CCDC157: variants seen among roughly 807,000 people sequenced by gnomAD.
The protein encoded by CCDC157 is coiled-coil domain-containing protein 157.
A neutral mutation model predicts 70.9 loss-of-function variants in CCDC157; 60 were observed. That is an observed-to-expected ratio of 0.85 (90% confidence interval 0.69 to 1.05). The LOEUF (loss-of-function observed/expected upper bound fraction) is 1.05. Among genes scored for constraint, CCDC157 ranks in the 50% least tolerant of loss-of-function variants. The pLI is 0.00. For missense variants in CCDC157, 943 were observed against 984.2 expected, an observed-to-expected ratio of 0.96 and a Z score of 0.56; for synonymous variants, 373 against 422.4, an observed-to-expected ratio of 0.88 and a Z score of 1.43.
chr22:30,373,503 G>A (rs1038543023), intron 7 of CCDC157, 94 bp from the exon 8 acceptor site: 12 of 1,370,358 alleles, frequency 8.8e-6, no homozygotes, highest in Admixed American at 6.3e-5. Context: ...GGTAGCAGCC[G>A]AGGGGTAGTA....
At chr22:30,361,720 C>T (rs994052741) in intron 1 of CCDC157, among the ~76,000 whole-genome samples, 5 of 152,196 alleles carry the variant, frequency 3.3e-5, no homozygotes, top group Non-Finnish European at 7.3e-5. Context: ...GCCTCAGTTT[C>T]CTCCTCTGTA....
intron 1 of CCDC157, 78 bp downstream of exon 1, chr22:30,357,210 G>C: frequency 6.2e-6 from 1 of 162,406 alleles, no homozygotes; most frequent in Non-Finnish European, 1.3e-5. Flanking sequence ...CCAGTACCTC[G>C]CTCCCTTCGA....
intron 3 of CCDC157, 184 bp downstream of exon 3, chr22:30,366,432 G>C: frequency 1.4e-6 from 1 of 706,170 alleles, no homozygotes; most frequent in Non-Finnish European, 2.4e-6. Context: ...CATGTGTCTT[G>C]TGTTGTGTGC....
rs761747660 is a variant in CCDC157, at chr22:30,369,534, G to A, written c.351G>A (p.Gly117=). Residue 117 remains glycine, a synonymous_variant, in exon 4 of 12, where the codon GGG becomes GGA. Transcript: ENST00000338306. Reference sequence around the variant, plus strand: ...CTGCGGGGCCCTGCATGTCCGTGGGGCTCACGGTGCGGCGCTTCTGGGACA... The same window carrying A: ...CTGCGGGGCCCTGCATGTCCGTGGGACTCACGGTGCGGCGCTTCTGGGACA... ...AQAAGPCMSV[G]LTVRRFWDSL... The A allele has an allele frequency of 5.6e-6, 9 of 1,606,394 alleles. No individual in the cohort carries two copies. The highest frequency in any genetic ancestry group is 7.7e-6 in the Non-Finnish European group (9 of 1,176,252).
At chr22:30,363,865 T>C (rs5749076) in intron 2 of CCDC157, among the ~76,000 whole-genome samples, 30,680 of 152,090 alleles carry the variant, frequency 0.2, 3,358 homozygotes, top group Middle Eastern at 0.35. Flanking sequence ...TTTTTGTATT[T>C]TTGTAGAGAT....
chr22:30,374,257 T>C, intron 9 of CCDC157, 166 bp downstream of exon 9: 2 of 759,444 alleles, frequency 2.6e-6, no homozygotes, highest in Non-Finnish European at 4.3e-6. Flanking sequence ...AGCACGCAAG[T>C]GCTTCATGCG....
intron 3 of CCDC157, chr22:30,369,151 C>G (rs1932828269): frequency 3.4e-6 from 1 of 293,310 alleles, no homozygotes; most frequent in Non-Finnish European, 6.3e-6. Context: ...AAGGCCAGGC[C>G]TGGCTTCACA....
intron 1 of CCDC157, among the ~76,000 whole-genome samples, chr22:30,360,122 C>T (rs1932228173): frequency 6.6e-6 from 1 of 152,142 alleles, no homozygotes; most frequent in African/African-American, 2.4e-5. Context: ...GCAGCCTGAG[C>T]AACAGAGTGA....
chr22:30,373,749 G>C lies in CCDC157; in HGVS notation c.1488G>C (p.Gln496His), dbSNP rs1164117872. The change falls in exon 8 of 12, where the codon CAG becomes CAC. Residue 496 changes from glutamine (Q) to histidine (H), a missense_variant. Coordinates refer to ENST00000338306, the MANE Select transcript of CCDC157 (RefSeq NM_001017437.5). ...LQSEREQGQC[Q>H]LRAQQELLQS... The stretch of plus-strand genomic sequence containing the variant: ...GCGAGCGGGAGCAGGGGCAATGCCA[G>C]CTCAGGGCCCAGCAGGTGAGGGTGG... 1.9e-6 allele frequency: 3 copies of C among 1,553,362 alleles called. No individual in the cohort carries two copies. Among genetic ancestry groups the C allele is most frequent in the Non-Finnish European group, 2.6e-6 (3 of 1,148,564 alleles).
chr22:30,367,896 C>A (rs1005301146), intron 3 of CCDC157, among the ~76,000 whole-genome samples: 9 of 152,094 alleles, frequency 5.9e-5, no homozygotes, highest in Non-Finnish European at 1.0e-4. Flanking sequence ...ACTAAAAATA[C>A]AAAAATTAGC....
chr22:30,357,760 G>T (rs1932014593), intron 1 of CCDC157, among the ~76,000 whole-genome samples: 1 of 149,394 alleles, frequency 6.7e-6, no homozygotes, highest in Non-Finnish European at 1.5e-5. Flanking sequence ...CAAATGATCC[G>T]CCCGCCTCGG....
rs375077720 is a variant in CCDC157 at position 30,376,245 on chromosome 22, T to C, written c.1858-14T>C. 41 of 1,596,848 alleles carry C rather than the reference T, an allele frequency of 2.6e-5. 2 individuals carry two copies. The African/African-American group carries it at 4.6e-4, about 18-fold the overall frequency. ...TGGGCCCTTATAAGACTGGCTTTTT[T>C]TTTTTTTTTGTAGCTGATCCCGCAG... On this transcript the variant is annotated splice_polypyrimidine_tract_variant and intron_variant, in intron 10 of 11. Transcript: ENST00000338306.
chr22:30,365,242 T>G (rs1932641276), intron 2 of CCDC157, among the ~76,000 whole-genome samples: 1 of 151,998 alleles, frequency 6.6e-6, no homozygotes, highest in Non-Finnish European at 1.5e-5. Context: ...GGGAGCATGA[T>G]TCAGACAGAG....
intron 3 of CCDC157, among the ~76,000 whole-genome samples, chr22:30,367,519 G>A (rs901057358): frequency 1.3e-5 from 2 of 152,154 alleles, no homozygotes; most frequent in Middle Eastern, 3.4e-3. Flanking sequence ...GATTACAGGC[G>A]TGAGCTACTG....
At position 30,377,971 on chromosome 22, in the gene CCDC157, C is replaced by T; in HGVS notation, c.*1226C>T. The stretch of plus-strand genomic sequence containing the variant: ...TTGAGGCATCTACCAGGTTGCGTTC[C>T]TTTCTGCCGGTTCTGGGGAAGAATT... On this transcript the variant is annotated 3_prime_UTR_variant, in exon 12 of 12. Coordinates refer to ENST00000338306, the MANE Select transcript of CCDC157 (RefSeq NM_001017437.5). 2.6e-6 allele frequency: 1 copy of T among 378,022 alleles called. No homozygotes were observed. Among genetic ancestry groups the T allele is most frequent in the Non-Finnish European group, 5.4e-6 (1 of 185,094 alleles). 23.4% of individuals were successfully genotyped at this position (378,022 alleles called of 1,614,324 possible).
At chr22:30,375,157 C>G (rs1277900959) in intron 9 of CCDC157, 5 of 303,300 alleles carry the variant, frequency 1.6e-5, no homozygotes, top group Non-Finnish European at 3.2e-5. Context: ...CGGGGTTTCA[C>G]CATGTTGGCC....
chr22:30,361,002 G>A (rs1406170322), intron 1 of CCDC157, among the ~76,000 whole-genome samples: 1 of 151,828 alleles, frequency 6.6e-6, no homozygotes, highest in Admixed American at 6.6e-5. Flanking sequence ...AGCCAAGATC[G>A]CACCACTGCA....
At chr22:30,360,706 G>A (rs1401720619) in intron 1 of CCDC157, among the ~76,000 whole-genome samples, 2 of 152,204 alleles carry the variant, frequency 1.3e-5, no homozygotes, top group East Asian at 3.9e-4. Context: ...GAGCTCAGGA[G>A]TTGGAGACCA....
At chr22:30,374,204 T>C in intron 9 of CCDC157, 113 bp downstream of exon 9, 1 of 1,333,758 alleles carries the variant, frequency 7.5e-7, no homozygotes, top group Non-Finnish European at 1.0e-6. Context: ...GCAAGGGTGT[T>C]AAAGCCAGGC....
Sources: allele counts gnomAD v4.1 joint callset (sites outside exome capture counted in the v4.1 genomes callset), GRCh38; gene constraint gnomAD v4.1.1; transcripts MANE v1.5; gene names NCBI Gene and HGNC (gene_info 2026-07-23, HGNC 2026-07-21).